The following MAPRE2 variants were observed in gnomAD, a reference collection of about 807,000 sequenced individuals.
MAPRE2 encodes microtubule-associated protein RP/EB family member 2.
In MAPRE2, 13 loss-of-function variants were observed where a neutral mutation model predicts 43.2. The ratio of observed to expected loss-of-function variants is 0.30; its 90% CI spans 0.20 to 0.48. MAPRE2 has a LOEUF of 0.48. MAPRE2 is among the 20% of genes least tolerant of loss of function. The pLI is 0.99. For missense variants in MAPRE2, 161 were observed against 400.2 expected, an observed-to-expected ratio of 0.40 and a Z score of 5.10; for synonymous variants, 135 against 148.8, an observed-to-expected ratio of 0.91 and a Z score of 0.68.
chr18:35,049,888 A>G (rs1199124166), intron 1 of MAPRE2, among the ~76,000 whole-genome samples: 1 of 152,172 alleles, frequency 6.6e-6, no homozygotes, highest in Non-Finnish European at 1.5e-5. Context: ...AAGCTTGGGC[A>G]TTGTTGAGTG....
At chr18:34,978,542 G>A (rs1603385129) in intron 1 of MAPRE2, 3 of 1,551,652 alleles carry the variant, frequency 1.9e-6, no homozygotes, top group Non-Finnish European at 1.7e-6. Flanking sequence ...AGATCAAAAG[G>A]TAATCTGAAG....
At chr18:35,005,502 C>T (rs749295536) in exon 2 of MAPRE2, 17 of 1,537,610 alleles carry the variant, frequency 1.1e-5, no homozygotes, top group Non-Finnish European at 1.4e-5. Flanking sequence ...TGTCCTGTTT[C>T]CCAGAGGAAC....
intron 1 of MAPRE2, among the ~76,000 whole-genome samples, chr18:34,985,072 A>ATATT (rs1348369604): frequency 6.8e-5 from 6 of 88,382 alleles, no homozygotes; most frequent in African/African-American, 2.9e-4. Flanking sequence ...TATAAAATAA[A>ATATT]ATATATTATA....
At chr18:35,028,932 C>T (rs994313283) in intron 2 of MAPRE2, among the ~76,000 whole-genome samples, 3 of 152,192 alleles carry the variant, frequency 2.0e-5, no homozygotes, top group African/African-American at 7.2e-5. Context: ...CATATTAAGA[C>T]TAAGACCTCT....
intron 2 of MAPRE2, among the ~76,000 whole-genome samples, chr18:35,077,399 A>G (rs925280370): frequency 1.3e-5 from 2 of 152,186 alleles, no homozygotes; most frequent in African/African-American, 4.8e-5. Context: ...CTTATTGAGT[A>G]TATCACTAAT....
At chr18:34,981,755 T>C (rs1352357909) in intron 1 of MAPRE2, among the ~76,000 whole-genome samples, 2 of 152,230 alleles carry the variant, frequency 1.3e-5, no homozygotes, top group Non-Finnish European at 2.9e-5. Flanking sequence ...CAGGTTTTCA[T>C]GTAGTCTTGC....
chr18:35,073,376 A>C (rs1907201968), intron 2 of MAPRE2, among the ~76,000 whole-genome samples: 1 of 152,194 alleles, frequency 6.6e-6, no homozygotes, highest in Non-Finnish European at 1.5e-5. Context: ...TTAGGATAGG[A>C]ACAAAGCCAA....
intron 4 of MAPRE2, among the ~76,000 whole-genome samples, chr18:35,115,727 T>G (rs1364827729): frequency 6.6e-6 from 1 of 152,226 alleles, no homozygotes; most frequent in Non-Finnish European, 1.5e-5. Context: ...CTGAGTAGTA[T>G]TCCGTGATGT....
chr18:35,034,106 C>T (rs2097049240), intron 2 of MAPRE2, among the ~76,000 whole-genome samples: 2 of 152,168 alleles, frequency 1.3e-5, no homozygotes, highest in Admixed American at 1.3e-4. Flanking sequence ...TACCTGACTT[C>T]AAACTATACT....
intron 1 of MAPRE2, among the ~76,000 whole-genome samples, chr18:34,977,593 C>T (rs1314150520): frequency 1.3e-5 from 2 of 152,188 alleles, no homozygotes; most frequent in Non-Finnish European, 2.9e-5. Context: ...CTGGCGCTCG[C>T]GCGCTTGGGA....
At chr18:35,062,683 T>C (rs1201018771) in intron 1 of MAPRE2, among the ~76,000 whole-genome samples, 1 of 152,164 alleles carries the variant, frequency 6.6e-6, no homozygotes. Flanking sequence ...GTAGAAACAC[T>C]TTGAAAGGAT....
chr18:35,065,510 CTTG>C (rs1453715483), intron 1 of MAPRE2, among the ~76,000 whole-genome samples: 7 of 152,002 alleles, frequency 4.6e-5, no homozygotes, highest in East Asian at 1.9e-4. Context: ...TTATCTCCTG[CTTG>C]TTGTGCTGTT....
chr18:35,129,925 A>C (rs1041089857), intron 5 of MAPRE2, among the ~76,000 whole-genome samples: 3 of 152,252 alleles, frequency 2.0e-5, no homozygotes, highest in Non-Finnish European at 4.4e-5. Context: ...TTTGCTTGCC[A>C]ATTGATCTTT....
intron 2 of MAPRE2, among the ~76,000 whole-genome samples, chr18:35,010,065 T>C (rs960256738): frequency 2.6e-5 from 4 of 152,092 alleles, no homozygotes; most frequent in Non-Finnish European, 5.9e-5. Context: ...CACACCACAG[T>C]AACAATTTTT....
chr18:35,098,274 A>T (rs537156531), intron 3 of MAPRE2, among the ~76,000 whole-genome samples: 1 of 152,206 alleles, frequency 6.6e-6, no homozygotes, highest in African/African-American at 2.4e-5. Context: ...TATTTAGGAT[A>T]TATCTCTTAG....
chr18:34,990,201 T>C (rs1234187679), intron 1 of MAPRE2, among the ~76,000 whole-genome samples: 1 of 152,202 alleles, frequency 6.6e-6, no homozygotes, highest in Non-Finnish European at 1.5e-5. Context: ...TCCCCTTTCG[T>C]TGCAGTCTTT....
chr18:35,111,156 A>T (rs1909157259), intron 4 of MAPRE2, among the ~76,000 whole-genome samples: 1 of 151,992 alleles, frequency 6.6e-6, no homozygotes, highest in Non-Finnish European at 1.5e-5. Context: ...TCTCTTCTTT[A>T]GATTAGATGG....
intron 1 of MAPRE2, among the ~76,000 whole-genome samples, chr18:35,064,008 A>AAAAAAAAAAAAAAAAAC (rs1906700844): frequency 9.7e-6 from 1 of 102,832 alleles, no homozygotes; most frequent in African/African-American, 4.4e-5. Context: ...TTTAAAAAAA[A>AAAAAAAAAAAAAAAAAC]AAAAAAAAAA....
chr18:35,134,722 C>T (rs1274882785), intron 6 of MAPRE2, among the ~76,000 whole-genome samples: 1 of 152,236 alleles, frequency 6.6e-6, no homozygotes, highest in Non-Finnish European at 1.5e-5. Context: ...CTCTAAATAA[C>T]TCCCCTTACC....
Sources: allele counts gnomAD v4.1 joint callset (sites outside exome capture counted in the v4.1 genomes callset), GRCh38; gene constraint gnomAD v4.1.1; transcripts MANE v1.5; gene names NCBI Gene and HGNC (gene_info 2026-07-23, HGNC 2026-07-21).